MTOR: variants seen among roughly 807,000 people sequenced by gnomAD.
The protein encoded by MTOR is mechanistic target of rapamycin kinase.
In MTOR, 70 loss-of-function variants were observed where a neutral mutation model predicts 319.8. That is an observed-to-expected ratio of 0.22 (90% CI 0.18 to 0.27). MTOR has a LOEUF of 0.27. Among genes scored for constraint, MTOR ranks in the 10% least tolerant of loss-of-function variants. The pLI is 1.00. For missense variants in MTOR, 1,890 were observed against 3,274.4 expected (o/e 0.58, Z 10.32); for synonymous variants, 1,183 against 1,211.4 (o/e 0.98, Z 0.49).
At chr1:11,196,230 T>C (rs1645778241) in intron 28 of MTOR, among the ~76,000 whole-genome samples, 2 of 152,170 alleles carry the variant, frequency 1.3e-5, no homozygotes, top group South Asian at 4.1e-4. Flanking sequence ...CCCTCTATTC[T>C]ACTTAGGATA....
chr1:11,110,994 C>A, intron 54 of MTOR: 1 of 392,104 alleles, frequency 2.6e-6, no homozygotes, highest in Non-Finnish European at 5.1e-6. Flanking sequence ...TAAGTCTCAG[C>A]ACACTTCGTT....
In MTOR at chr1:11,127,094, C is replaced by T. The variant is rs542723817; in HGVS notation, c.6267G>A (p.Met2089Ile). Residue 2089 changes from methionine (M) to isoleucine (I), a missense_variant, in exon 45 of 58, where the codon ATG (methionine) becomes ATA (isoleucine). Physicochemically the swap from Met to Ile is conservative, Grantham distance 10. Around this residue, in one of 15 missense-constraint regions of MTOR, gnomAD observed 249 missense variants for 596.2 expected, o/e 0.42. Coordinates refer to ENST00000361445, the MANE Select transcript of MTOR (RefSeq NM_004958.4). The surrounding 1 kb of genome is among the most constrained non-coding windows in gnomAD (Gnocchi z 5.5). The part of the protein sequence containing the change: ...MEAQEWCRKY[M>I]KSGNVKDLTQ... The stretch of plus-strand genomic sequence containing the variant: ...TGAGGTCCTTGACATTCCCTGATTT[C>T]ATGTACTTCCTGCACCACTCTTGGG... 2.9e-5 allele frequency: 47 copies of T among 1,614,166 alleles called. No individual in the cohort carries two copies. The South Asian group carries it at 4.8e-4, about 17-fold the overall frequency.
At chr1:11,142,191 G>T (rs1301179844) in intron 34 of MTOR, among the ~76,000 whole-genome samples, 5 of 151,956 alleles carry the variant, frequency 3.3e-5, no homozygotes, top group African/African-American at 1.2e-4. Context: ...GTTTCACAGT[G>T]GATTTGGCTG....
At chr1:11,132,008 G>A (rs1396949108) in intron 38 of MTOR, 1 of 152,152 alleles carries the variant, frequency 6.6e-6, no homozygotes, top group Non-Finnish European at 1.5e-5. Context: ...CTATGTGCCT[G>A]GCAATGACCT....
chr1:11,168,210 A>C (rs544210668), intron 28 of MTOR, among the ~76,000 whole-genome samples: 3 of 148,398 alleles, frequency 2.0e-5, no homozygotes, highest in Admixed American at 2.0e-4. Context: ...ACTCCTCTGA[A>C]CTTTTTTTTT....
intron 20 of MTOR, among the ~76,000 whole-genome samples, chr1:11,213,916 C>T (rs1484826280): frequency 6.6e-6 from 1 of 152,230 alleles, no homozygotes; most frequent in Non-Finnish European, 1.5e-5. Context: ...TCTTCTCCTT[C>T]CATGATCCAC....
Position 11,134,476 on chromosome 1 carries a change from G to A in MTOR, c.5131-10C>T, listed in dbSNP as rs1489508726. ...GCTGGAAGGCATCGATCTGTAACAG[G>A]ACAAAGGCACAGAGAGCCACTTGGC... On this transcript the variant is annotated splice_polypyrimidine_tract_variant and intron_variant, in intron 36 of 57. Coordinates refer to ENST00000361445, the MANE Select transcript of MTOR (RefSeq NM_004958.4). The A allele has an allele frequency of 4.3e-6, 7 of 1,613,284 alleles. No individual in the cohort carries two copies. The highest frequency in any genetic ancestry group is 1.7e-6 in the Non-Finnish European group (2 of 1,179,434).
At chr1:11,186,838 T>A (rs1645335843) in intron 28 of MTOR, among the ~76,000 whole-genome samples, 1 of 152,026 alleles carries the variant, frequency 6.6e-6, no homozygotes, top group Admixed American at 6.6e-5. Context: ...AATTAGCTAT[T>A]TTTCCTCAAA....
At chr1:11,154,329 C>A (rs2100554420) in intron 30 of MTOR, among the ~76,000 whole-genome samples, 1 of 151,938 alleles carries the variant, frequency 6.6e-6, no homozygotes, top group East Asian at 1.9e-4. Context: ...TGGGCTCAAG[C>A]AATCCGCCTG....
rs752198342 is a variant in MTOR at position 11,134,352 on chromosome 1, G to A, written c.5245C>T (p.Arg1749Ter). Residue 1749 changes from arginine (R) to a stop codon, truncating the protein, a stop_gained and splice_region_variant, in exon 37 of 58, where the codon CGA (arginine) becomes TGA (stop). Transcript: ENST00000361445. LOFTEE classifies it high-confidence loss of function. ...HKQELHKLMA[R>*]CFLKLGEWQL... ...GCCCCAGGTCAGTGGGGACCTCACC[G>A]GGCCATGAGCTTGTGCAGTTCCTGC... is the stretch of plus-strand genomic sequence containing the variant. 1.2e-6 allele frequency: 2 copies of A among 1,613,718 alleles called. No individual in the cohort carries two copies. The highest frequency in any genetic ancestry group is 2.2e-5 in the East Asian group (1 of 44,880).
At chr1:11,205,794 T>C (rs564459986) in intron 25 of MTOR, among the ~76,000 whole-genome samples, 4 of 152,356 alleles carry the variant, frequency 2.6e-5, no homozygotes, top group East Asian at 3.9e-4. Context: ...ATGTTCTTCA[T>C]AGATTTTTCC....
At chr1:11,114,921 T>C (rs1642083894) in intron 51 of MTOR, 34 bp from the exon 52 acceptor site, 3 of 1,599,898 alleles carry the variant, frequency 1.9e-6, no homozygotes, top group Admixed American at 1.7e-5. Context: ...GCCAAATCAA[T>C]GTTTATTTTC....
At chr1:11,257,201 G>A (rs1411255314) in intron 3 of MTOR, 36 bp from the exon 4 acceptor site, 1 of 1,551,914 alleles carries the variant, frequency 6.4e-7, no homozygotes, top group Admixed American at 1.8e-5. Context: ...TGATGATGGG[G>A]CGTATGCTGG....
rs780317575 is a variant in MTOR, at chr1:11,129,703, G to A, written c.5714+35C>T. The stretch of plus-strand genomic sequence containing the variant: ...ACTTCTAGGTCTTGCCATTAACATG[G>A]CCTACCAGAGTTGCATCCTTCCCTT... On this transcript the variant is annotated intron_variant, in intron 40 of 57. Coordinates refer to ENST00000361445, the MANE Select transcript of MTOR (RefSeq NM_004958.4). This position sits in a 1 kb window ranked among gnomAD's most constrained non-coding sequence, Gnocchi z 4.7. 1 of 1,576,826 alleles carries A rather than the reference G, an allele frequency of 6.3e-7. No homozygotes were observed. Among genetic ancestry groups the A allele is most frequent in the Non-Finnish European group, 8.7e-7 (1 of 1,147,544 alleles).
intron 28 of MTOR, chr1:11,193,868 A>G: frequency 8.1e-7 from 1 of 1,235,348 alleles, no homozygotes; most frequent in Non-Finnish European, 1.1e-6. Context: ...CTGATTCAAG[A>G]CAAATCTGTA....
intron 8 of MTOR, among the ~76,000 whole-genome samples, chr1:11,245,116 T>C (rs988840887): frequency 6.6e-6 from 1 of 152,206 alleles, no homozygotes; most frequent in Non-Finnish European, 1.5e-5. Context: ...TAGAAGAAGA[T>C]TTAGTCTATA....
intron 28 of MTOR, chr1:11,194,577 C>A (rs1367407076): frequency 6.2e-7 from 1 of 1,614,188 alleles, no homozygotes; most frequent in Non-Finnish European, 8.5e-7. Context: ...ACGACGCCCT[C>A]CAGTATCATA....
chr1:11,179,814 C>T (rs1189418979), intron 28 of MTOR, among the ~76,000 whole-genome samples: 1 of 152,344 alleles, frequency 6.6e-6, no homozygotes, highest in African/African-American at 2.4e-5. Flanking sequence ...GCTCTTTTCT[C>T]CTACTCTTTG....
chr1:11,162,600 A>G (rs1310153999), intron 29 of MTOR, among the ~76,000 whole-genome samples: 1 of 152,260 alleles, frequency 6.6e-6, no homozygotes, highest in Non-Finnish European at 1.5e-5. Flanking sequence ...CAGAAACTCC[A>G]CAAGCCAGAA....
Sources: allele counts gnomAD v4.1 joint callset (sites outside exome capture counted in the v4.1 genomes callset), GRCh38; gene constraint gnomAD v4.1.1; regional missense constraint gnomAD v4.1.1; non-coding constraint Gnocchi (gnomAD v3.1); transcripts MANE v1.5; gene names NCBI Gene and HGNC (gene_info 2026-07-23, HGNC 2026-07-21).